ITGAL: variants seen among roughly 807,000 people sequenced by gnomAD.
ITGAL encodes integrin alpha-L.
Under a neutral mutation model 138.4 loss-of-function variants are expected in ITGAL, and 68 were observed. The observed-to-expected ratio is 0.49, with a 90% CI of 0.40 to 0.60. The LOEUF (loss-of-function observed/expected upper bound fraction) is 0.60, where lower values mean the gene tolerates loss of function less well. Among genes scored for constraint, ITGAL ranks in the 20% least tolerant of loss-of-function variants. The pLI is 0.00. For synonymous variants in ITGAL, 561 were observed against 584.3 expected, an observed-to-expected ratio of 0.96 and a Z score of 0.57; for missense variants, 1,256 against 1,478.6, an observed-to-expected ratio of 0.85 and a Z score of 2.47.
chr16:30,494,318 G>A lies in ITGAL; in HGVS notation c.1320G>A (p.Gln440=). ...MGRVLLFQEP[Q]GGGHWSQVQT... is the part of the protein sequence containing the mutation. Reference sequence around the variant, plus strand: ...GAGTGCTGCTGTTCCAAGAGCCACAGGGCGGAGGACACTGGAGCCAGGTCC... The same window carrying A: ...GAGTGCTGCTGTTCCAAGAGCCACAAGGCGGAGGACACTGGAGCCAGGTCC... The change falls in exon 12 of 31, where the codon CAG becomes CAA. Residue 440 remains glutamine, a synonymous_variant. Coordinates refer to ENST00000356798, the MANE Select transcript of ITGAL (RefSeq NM_002209.3). This position sits in a 1 kb window ranked among gnomAD's most constrained non-coding sequence, Gnocchi z 4.2. The A allele has an allele frequency of 6.2e-7, 1 of 1,613,160 alleles. No homozygotes were observed. Among genetic ancestry groups the A allele is most frequent in the Non-Finnish European group, 8.5e-7 (1 of 1,179,338 alleles).
intron 9 of ITGAL, chr16:30,488,785 G>A: frequency 2.4e-6 from 1 of 409,942 alleles, no homozygotes; most frequent in South Asian, 2.3e-5. Flanking sequence ...GCTAAGCCCG[G>A]AGGGTTGCTT....
In ITGAL at chr16:30,521,847, G is replaced by T. The variant is rs2051259062; in HGVS notation, c.*182G>T. On this transcript the variant is annotated 3_prime_UTR_variant, in exon 31 of 31. Transcript: ENST00000356798. ...GTCTCCTTTGCAGGCTCATAGGGAA[G>T]ACCTGCTGAGGGACCAGCCAAGAGG... is the stretch of plus-strand genomic sequence containing the variant. 1.6e-6 allele frequency: 1 copy of T among 614,486 alleles called. No individual in the cohort carries two copies. Among genetic ancestry groups the T allele is most frequent in the African/African-American group, 1.9e-5 (1 of 53,996 alleles). 38.1% of individuals were successfully genotyped at this position (614,486 alleles called of 1,614,324 possible).
At position 30,505,231 on chromosome 16, in the gene ITGAL, A is replaced by G; in HGVS notation, c.2236-13A>G. 6.3e-7 allele frequency: 1 copy of G among 1,584,068 alleles called. No homozygotes were observed. Among genetic ancestry groups the G allele is most frequent in the East Asian group, 2.3e-5 (1 of 44,354 alleles). ...CTCTCCTCTCTCCATCCTGCCCACT[A>G]CCCCTCGCTCAGCAGGGCAAGGACA... On this transcript the variant is annotated splice_polypyrimidine_tract_variant and intron_variant, in intron 18 of 30. Coordinates refer to ENST00000356798, the MANE Select transcript of ITGAL (RefSeq NM_002209.3).
intron 17 of ITGAL, among the ~76,000 whole-genome samples, chr16:30,499,733 A>ATATATATATATTT: frequency 3.4e-5 from 3 of 88,388 alleles, no homozygotes; most frequent in South Asian, 1.4e-3. Flanking sequence ...ATATATATAT[A>ATATATATATATTT]TTTTTTTTTT....
chr16:30,480,008 G>A (rs971324955), intron 6 of ITGAL, among the ~76,000 whole-genome samples: 2 of 151,842 alleles, frequency 1.3e-5, no homozygotes, highest in African/African-American at 2.4e-5. Context: ...ATGGTGGCAC[G>A]ATCATAGCTC....
intron 26 of ITGAL, among the ~76,000 whole-genome samples, chr16:30,517,320 T>G (rs1398872742): frequency 6.6e-6 from 1 of 152,060 alleles, no homozygotes; most frequent in East Asian, 1.9e-4. Context: ...CAGGCATGCA[T>G]GGTGGCCCGT....
At position 30,489,400 on chromosome 16, in the gene ITGAL, T is replaced by A; in HGVS notation, c.1213+14T>A. On this transcript the variant is annotated intron_variant, in intron 11 of 30. Coordinates refer to ENST00000356798, the MANE Select transcript of ITGAL (RefSeq NM_002209.3). ...CAGGCTATTTGGGTGAGTACTTCTC[T>A]TTTCTGCTGGGATCTTCTGGTTGTT... 1.2e-6 allele frequency: 2 copies of A among 1,612,926 alleles called. No individual in the cohort carries two copies. Among genetic ancestry groups the A allele is most frequent in the South Asian group, 2.2e-5 (2 of 91,016 alleles).
rs780488665 is a variant in ITGAL, at chr16:30,513,805, C to T, written c.2821C>T (p.Pro941Ser). 1 of 1,613,664 alleles carries T rather than the reference C, an allele frequency of 6.2e-7. No homozygotes were observed. The highest frequency in any genetic ancestry group is 1.3e-5 in the African/African-American group (1 of 74,886). The change falls in exon 25 of 31, where the codon CCC (proline) becomes TCC (serine). Residue 941 changes from proline to serine, a missense_variant. Pro to Ser is a moderately conservative substitution (Grantham distance 74). Transcript: ENST00000356798. ...CTCCACACTCTATGTCAGTTTCACCCCCAAAGGCCCCAAGATCCACCAAGT... is the reference window on the plus strand; with the variant it reads ...CTCCACACTCTATGTCAGTTTCACCTCCAAAGGCCCCAAGATCCACCAAGT... The part of the protein sequence containing the change: ...EDSTLYVSFT[P>S]KGPKIHQVKH...
chr16:30,493,592 T>C (rs1179820655), intron 11 of ITGAL, among the ~76,000 whole-genome samples: 1 of 152,068 alleles, frequency 6.6e-6, no homozygotes, highest in Non-Finnish European at 1.5e-5. Context: ...TTTAATTTAT[T>C]ATTTAAGAAA....
chr16:30,500,541 T>A (rs115198478), intron 17 of ITGAL, among the ~76,000 whole-genome samples: 2,443 of 152,036 alleles, frequency 0.016, 61 homozygotes, highest in African/African-American at 0.054. Flanking sequence ...TTAATTTTTT[T>A]AATTTTTTAT....
intron 11 of ITGAL, among the ~76,000 whole-genome samples, chr16:30,491,732 G>A (rs2050726482): frequency 6.6e-6 from 1 of 151,834 alleles, no homozygotes; most frequent in Non-Finnish European, 1.5e-5. Context: ...CTGGCTTTGA[G>A]CAATCCCCCT....
chr16:30,501,018 A>T (rs1597091089), intron 17 of ITGAL, among the ~76,000 whole-genome samples: 1 of 151,616 alleles, frequency 6.6e-6, no homozygotes, highest in Non-Finnish European at 1.5e-5. Context: ...AAAAAAAAAA[A>T]TAGTTTTTGT....
intron 4 of ITGAL, among the ~76,000 whole-genome samples, chr16:30,478,826 C>T (rs1219839333): frequency 1.3e-5 from 2 of 151,944 alleles, no homozygotes; most frequent in East Asian, 1.9e-4. Flanking sequence ...AATGTGGGGT[C>T]GTGCCCAGTG....
chr16:30,498,972 A>C lies in ITGAL; in HGVS notation c.1833-102A>C, dbSNP rs545855595. The stretch of plus-strand genomic sequence containing the variant: ...ACAGTGACATGTTGAGGTCTGCTTT[A>C]GGGAAGGAGAGTTCTCTGGCTTTGC... On this transcript the variant is annotated intron_variant, in intron 15 of 30. Transcript: ENST00000356798. 38 of 992,208 alleles carry C rather than the reference A, an allele frequency of 3.8e-5. No homozygotes were observed. In the East Asian group the frequency reaches 6.9e-4, roughly 18 times the overall value. The allele number at this position is 992,208 out of a possible 1,614,324, so 61.5% of individuals were successfully genotyped here.
At position 30,519,859 on chromosome 16, in the gene ITGAL, TG is replaced by T; in HGVS notation, c.3232del (p.Val1078SerfsTer2). The T allele has an allele frequency of 6.2e-7, 1 of 1,610,840 alleles. No individual in the cohort carries two copies. Among genetic ancestry groups the T allele is most frequent in the Non-Finnish European group, 8.5e-7 (1 of 1,177,058 alleles). The part of the protein sequence containing the change: ...YGSNASLAQV[V>X]MKVDVVYEKQ... ...CACTCCCCTCCCCCTGCTCCCAGGTTGTCATGAAGGTTGACGTGGTGTATGA... is the reference window on the plus strand; with the variant it reads ...CACTCCCCTCCCCCTGCTCCCAGGTTTCATGAAGGTTGACGTGGTGTATGA... On this transcript the variant is annotated frameshift_variant, in exon 30 of 31. Transcript: ENST00000356798. LOFTEE classifies it high-confidence loss of function.
At chr16:30,502,939 C>G (rs2050927940) in intron 17 of ITGAL, among the ~76,000 whole-genome samples, 1 of 151,758 alleles carries the variant, frequency 6.6e-6, no homozygotes, top group Non-Finnish European at 1.5e-5. Flanking sequence ...CACATCCTAC[C>G]AAGTAGCTGG....
chr16:30,499,214 C>A lies in ITGAL; in HGVS notation c.1973C>A (p.Ser658Tyr). 1.2e-6 allele frequency: 2 copies of A among 1,614,176 alleles called. No homozygotes were observed. The highest frequency in any genetic ancestry group is 1.7e-6 in the Non-Finnish European group (2 of 1,180,026). Residue 658 changes from serine (S) to tyrosine (Y), a missense_variant, in exon 16 of 31, where the codon TCT becomes TAT. Around this residue, in one of 3 missense-constraint regions of ITGAL, gnomAD observed 867 missense variants for 972.5 expected, o/e 0.89. Coordinates refer to ENST00000356798, the MANE Select transcript of ITGAL (RefSeq NM_002209.3). Reference protein sequence around the residue: ...VNITICFQIKSLIPQFQGRLV... With the variant: ...VNITICFQIKYLIPQFQGRLV... ...ATCACAATCTGTTTCCAGATCAAGTCTCTCATCCCCCAGTTCCAAGGTCAG... is the reference window on the plus strand; with the variant it reads ...ATCACAATCTGTTTCCAGATCAAGTATCTCATCCCCCAGTTCCAAGGTCAG...
At chr16:30,506,391 A>C (rs1444695535) in intron 20 of ITGAL, among the ~76,000 whole-genome samples, 1 of 108,632 alleles carries the variant, frequency 9.2e-6, no homozygotes, top group Non-Finnish European at 2.0e-5. Flanking sequence ...GTCTCTACTT[A>C]AAATACAAAA....
At chr16:30,517,774 C>T in intron 27 of ITGAL, 23 bp from the exon 28 acceptor site, 2 of 1,613,584 alleles carry the variant, frequency 1.2e-6, no homozygotes, top group Non-Finnish European at 1.7e-6. Context: ...CCGCCCTGAC[C>T]CCGCTTTCCT....
Sources: gnomAD v4.1 joint callset for allele counts (sites outside exome capture counted in the v4.1 genomes callset) on GRCh38, gnomAD v4.1.1 for gene constraint, gnomAD v4.1.1 regional missense constraint, Gnocchi (gnomAD v3.1) non-coding constraint, MANE v1.5 for transcripts, NCBI Gene and HGNC (gene_info 2026-07-23, HGNC 2026-07-21) for gene names.